EPHA6: variants seen among roughly 807,000 people sequenced by gnomAD.
The protein encoded by EPHA6 is ephrin type-A receptor 6.
A neutral mutation model predicts 112.0 loss-of-function variants in EPHA6; 50 were observed. That is an observed-to-expected ratio of 0.45 (90% CI 0.36 to 0.56). EPHA6 has a LOEUF of 0.56. Ranked by LOEUF, EPHA6 falls within the 20% of genes least tolerant of loss-of-function variation. The pLI, the probability that EPHA6 is intolerant of heterozygous loss-of-function variation, is 0.00. For synonymous variants in EPHA6, 529 were observed against 490.7 expected, an observed-to-expected ratio of 1.08 and a Z score of -1.03; for missense variants, 1,280 against 1,417.4, an observed-to-expected ratio of 0.90 and a Z score of 1.56.
chr3:96,838,161 T>A (rs1010614335), intron 1 of EPHA6, among the ~76,000 whole-genome samples: 2 of 151,982 alleles, frequency 1.3e-5, no homozygotes, highest in African/African-American at 4.8e-5. Context: ...TGGACTTTCT[T>A]TTCCTGTGTT....
chr3:97,327,942 TA>T, intron 5 of EPHA6, among the ~76,000 whole-genome samples: 2 of 124,128 alleles, frequency 1.6e-5, no homozygotes, highest in Admixed American at 8.5e-5. Context: ...TGTATATGTG[TA>T]TGTATATGTA....
intron 3 of EPHA6, among the ~76,000 whole-genome samples, chr3:97,125,970 A>T (rs1489425477): frequency 1.3e-5 from 2 of 152,204 alleles, no homozygotes; most frequent in East Asian, 1.9e-4. Flanking sequence ...CACACATCCC[A>T]CTGTGCTTTG....
At chr3:97,319,940 A>G (rs1174471049) in intron 5 of EPHA6, among the ~76,000 whole-genome samples, 1 of 152,030 alleles carries the variant, frequency 6.6e-6, no homozygotes, top group African/African-American at 2.4e-5. Context: ...GTTATCTGAA[A>G]ATGTTTGATA....
intron 2 of EPHA6, among the ~76,000 whole-genome samples, chr3:96,946,039 A>G (rs1315315882): frequency 6.6e-6 from 1 of 152,124 alleles, no homozygotes; most frequent in Non-Finnish European, 1.5e-5. Flanking sequence ...CTTTTTCTGT[A>G]CCACAGTTTT....
rs192410679 is a variant in EPHA6 at position 97,760,797 on chromosome 3, G to A, written c.*12096G>A. On this transcript the variant is annotated 3_prime_UTR_variant, in exon 18 of 18. Transcript: ENST00000389672. ...TATATTTGACTAATAAAAAACGACA[G>A]CTAAAAATAATTTCCCTCCCTATAA... 2.2e-4 allele frequency: 41 copies of A among 185,104 alleles called. No homozygotes were observed. The highest frequency in any genetic ancestry group is 4.4e-4 in the Admixed American group (7 of 16,082). The allele number at this position is 185,104 out of a possible 1,614,324, so 11.5% of individuals were successfully genotyped here.
At chr3:97,591,843 G>A (rs940590795) in intron 11 of EPHA6, among the ~76,000 whole-genome samples, 5 of 152,212 alleles carry the variant, frequency 3.3e-5, no homozygotes, top group Admixed American at 1.3e-4. Flanking sequence ...TACCAACCAC[G>A]TGGCAGTGAC....
chr3:97,332,912 C>CT (rs911979183), intron 5 of EPHA6, among the ~76,000 whole-genome samples: 145 of 151,134 alleles, frequency 9.6e-4, no homozygotes, highest in African/African-American at 2.2e-3. Flanking sequence ...CCATTTTATT[C>CT]TTTTTTTTTG....
At chr3:97,701,114 T>A (rs1184604276) in intron 14 of EPHA6, among the ~76,000 whole-genome samples, 1 of 152,186 alleles carries the variant, frequency 6.6e-6, no homozygotes, top group Non-Finnish European at 1.5e-5. Flanking sequence ...AGGCATAGTC[T>A]AAGTATTTTA....
intron 6 of EPHA6, among the ~76,000 whole-genome samples, chr3:97,417,249 T>A (rs905192007): frequency 2.0e-5 from 3 of 152,174 alleles, no homozygotes; most frequent in Non-Finnish European, 2.9e-5. Flanking sequence ...CATGTTTGTC[T>A]CTCCATGTTG....
intron 6 of EPHA6, among the ~76,000 whole-genome samples, chr3:97,432,242 T>G (rs2107237763): frequency 6.6e-6 from 1 of 152,284 alleles, no homozygotes; most frequent in African/African-American, 2.4e-5. Flanking sequence ...TGCAATTCCA[T>G]CCACTAACTC....
chr3:97,674,315 ACACT>A (rs1455980094), intron 14 of EPHA6, among the ~76,000 whole-genome samples: 2 of 152,200 alleles, frequency 1.3e-5, no homozygotes, highest in Non-Finnish European at 2.9e-5. Flanking sequence ...GCTTCATAAA[ACACT>A]CAGGCAAGAA....
intron 2 of EPHA6, among the ~76,000 whole-genome samples, chr3:96,873,158 A>C (rs1576201381): frequency 6.6e-6 from 1 of 152,014 alleles, no homozygotes; most frequent in African/African-American, 2.4e-5. Flanking sequence ...CTAGCTACTC[A>C]GGAGGCTGAG....
chr3:97,101,996 A>G (rs1025210113), intron 3 of EPHA6, among the ~76,000 whole-genome samples: 1 of 151,998 alleles, frequency 6.6e-6, no homozygotes, highest in Non-Finnish European at 1.5e-5. Context: ...TGTTTGGCCT[A>G]TCAACTTACT....
chr3:97,616,151 G>A (rs557589317), intron 13 of EPHA6, among the ~76,000 whole-genome samples: 1 of 152,238 alleles, frequency 6.6e-6, no homozygotes, highest in South Asian at 2.1e-4. Context: ...GCCTTCACTG[G>A]TGATACCTTC....
intron 3 of EPHA6, among the ~76,000 whole-genome samples, chr3:97,222,252 G>A (rs1439930725): frequency 6.6e-6 from 1 of 152,110 alleles, no homozygotes; most frequent in Non-Finnish European, 1.5e-5. Context: ...ATAAGAGAAT[G>A]TGAGTGCCTC....
chr3:97,278,598 C>T (rs565805550), intron 5 of EPHA6, among the ~76,000 whole-genome samples: 2 of 152,296 alleles, frequency 1.3e-5, no homozygotes, highest in Admixed American at 6.5e-5. Flanking sequence ...CAAAGATCAT[C>T]ACTATTTCAA....
At chr3:97,707,798 T>G (rs926073640) in intron 14 of EPHA6, among the ~76,000 whole-genome samples, 4 of 152,138 alleles carry the variant, frequency 2.6e-5, no homozygotes, top group Non-Finnish European at 5.9e-5. Context: ...TGATAGTGAG[T>G]GAGTTCTCAT....
chr3:97,081,521 G>A (rs1345674720), intron 3 of EPHA6, among the ~76,000 whole-genome samples: 1 of 151,776 alleles, frequency 6.6e-6, no homozygotes, highest in Admixed American at 6.6e-5. Context: ...AAATGATTAT[G>A]TGTATTTTTT....
At chr3:96,868,564 C>T (rs2036458004) in intron 2 of EPHA6, among the ~76,000 whole-genome samples, 1 of 151,852 alleles carries the variant, frequency 6.6e-6, no homozygotes, top group Non-Finnish European at 1.5e-5. Context: ...TTTTCAGGTA[C>T]TCAGTTTCAC....
Sources: gnomAD v4.1 joint callset for allele counts (sites outside exome capture counted in the v4.1 genomes callset) on GRCh38, gnomAD v4.1.1 for gene constraint, MANE v1.5 for transcripts, NCBI Gene and HGNC (gene_info 2026-07-23, HGNC 2026-07-21) for gene names.